GALNTL6: variants seen among roughly 807,000 people sequenced by gnomAD.
GALNTL6 encodes the protein polypeptide N-acetylgalactosaminyltransferase like 6, also known as polypeptide N-acetylgalactosaminyltransferase-like 6.
Under a neutral mutation model 73.7 loss-of-function variants are expected in GALNTL6, and 46 were observed. The ratio of observed to expected loss-of-function variants is 0.62; its 90% CI spans 0.49 to 0.80. The LOEUF (loss-of-function observed/expected upper bound fraction) is 0.80. Among genes scored for constraint, GALNTL6 ranks in the 30% least tolerant of loss-of-function variants. The pLI is 0.00. For missense variants in GALNTL6, 604 were observed against 755.0 expected (o/e 0.80, Z 2.34); for synonymous variants, 259 against 263.7 (o/e 0.98, Z 0.17).
chr4:171,935,337 C>A (rs551574697), intron 2 of GALNTL6, among the ~76,000 whole-genome samples: 1 of 152,076 alleles, frequency 6.6e-6, no homozygotes. Flanking sequence ...GATGCTAGAG[C>A]GGAGTCATAG....
intron 5 of GALNTL6, among the ~76,000 whole-genome samples, chr4:172,634,378 T>C (rs1739553497): frequency 6.6e-6 from 1 of 152,086 alleles, no homozygotes; most frequent in South Asian, 2.1e-4. Flanking sequence ...AAATCCAGAT[T>C]TTCATCTTTA....
At chr4:172,360,007 C>A (rs535513867) in intron 5 of GALNTL6, among the ~76,000 whole-genome samples, 2 of 152,312 alleles carry the variant, frequency 1.3e-5, no homozygotes, top group East Asian at 3.9e-4. Flanking sequence ...AGATCCCTTA[C>A]ACATCATTAT....
At chr4:172,269,627 A>G (rs1329185385) in intron 3 of GALNTL6, among the ~76,000 whole-genome samples, 1 of 152,246 alleles carries the variant, frequency 6.6e-6, no homozygotes, top group Non-Finnish European at 1.5e-5. Flanking sequence ...ACTCTTTTCC[A>G]TTATAGAGGA....
chr4:171,904,278 C>T (rs561640545), intron 2 of GALNTL6, among the ~76,000 whole-genome samples: 4 of 152,062 alleles, frequency 2.6e-5, no homozygotes, highest in African/African-American at 7.2e-5. Context: ...ACTAGAGTAA[C>T]CAATACAGAG....
At chr4:172,529,989 A>G (rs113222421) in intron 5 of GALNTL6, among the ~76,000 whole-genome samples, 3,198 of 151,610 alleles carry the variant, frequency 0.021, 57 homozygotes, top group Non-Finnish European at 0.031. Flanking sequence ...TGATCCACCC[A>G]TCTCAACCTC....
intron 5 of GALNTL6, among the ~76,000 whole-genome samples, chr4:172,601,379 TG>T (rs1738046146): frequency 6.6e-6 from 1 of 152,116 alleles, no homozygotes; most frequent in African/African-American, 2.4e-5. Context: ...ATTTGGGTAA[TG>T]GGGCAGATCA....
intron 5 of GALNTL6, among the ~76,000 whole-genome samples, chr4:172,569,222 C>G (rs767021721): frequency 2.0e-5 from 3 of 152,138 alleles, no homozygotes; most frequent in Non-Finnish European, 4.4e-5. Flanking sequence ...GATTTGGTTA[C>G]TGGTGAGGGC....
intron 8 of GALNTL6, among the ~76,000 whole-genome samples, chr4:172,889,423 T>C (rs1299991081): frequency 1.3e-5 from 2 of 152,158 alleles, no homozygotes; most frequent in East Asian, 1.9e-4. Context: ...TATTTTGATA[T>C]ATATTTTTAA....
At chr4:172,348,407 A>G in intron 4 of GALNTL6, 116 bp from the exon 5 acceptor site, 3 of 741,112 alleles carry the variant, frequency 4.0e-6, no homozygotes, top group Non-Finnish European at 6.5e-6. Context: ...CTGGTTGGAA[A>G]GTATTAGACT....
intron 3 of GALNTL6, among the ~76,000 whole-genome samples, chr4:172,231,892 T>C (rs1241543703): frequency 1.3e-5 from 2 of 152,120 alleles, no homozygotes; most frequent in African/African-American, 2.4e-5. Context: ...ACTTGTCTTT[T>C]CTATCTTCAT....
chr4:172,150,814 T>C, intron 2 of GALNTL6, among the ~76,000 whole-genome samples: 1 of 152,226 alleles, frequency 6.6e-6, no homozygotes, highest in Admixed American at 6.5e-5. Flanking sequence ...CCTAATAATT[T>C]TAAAATATTA....
Position 171,991,755 on chromosome 4 carries a change from T to TATATAC in GALNTL6, c.138+177038_138+177039insTATACA, listed in dbSNP as rs371828556. Among the ~76,000 whole-genome samples the TATATAC allele has an allele frequency of 2.8e-3, 394 of 140,652 alleles. 3 individuals are homozygous for TATATAC. Among genetic ancestry groups the TATATAC allele is most frequent in the South Asian group, 0.01 (46 of 4,464 alleles). The allele number at this position is 140,652 out of a possible 152,430, so 92.3% of individuals were successfully genotyped here. A position where few individuals can be genotyped will look rare whatever the true frequency, so the allele number is the denominator to read the frequency against. ...GTATATATATATATATATATATATA[T>TATATAC]ACACATATATATACATATATATATG... On this transcript the variant is annotated intron_variant, in intron 2 of 12. Transcript: ENST00000506823.
At chr4:172,460,788 C>T (rs1157927942) in intron 5 of GALNTL6, among the ~76,000 whole-genome samples, 1 of 152,182 alleles carries the variant, frequency 6.6e-6, no homozygotes, top group East Asian at 1.9e-4. Flanking sequence ...ATTAGTTCAA[C>T]TATTGTGGAA....
At chr4:172,170,815 G>A (rs1734795460) in intron 2 of GALNTL6, among the ~76,000 whole-genome samples, 2 of 152,108 alleles carry the variant, frequency 1.3e-5, no homozygotes, top group South Asian at 2.1e-4. Context: ...CGCCCTGCTG[G>A]GAAATTGTTT....
chr4:172,234,754 T>A (rs543573219), intron 3 of GALNTL6, among the ~76,000 whole-genome samples: 23 of 152,282 alleles, frequency 1.5e-4, no homozygotes, highest in African/African-American at 5.5e-4. Flanking sequence ...GGCCCCAAAT[T>A]TTCTATTCTT....
chr4:172,526,216 G>A (rs573571697), intron 5 of GALNTL6, among the ~76,000 whole-genome samples: 2 of 152,252 alleles, frequency 1.3e-5, no homozygotes, highest in East Asian at 3.9e-4. Context: ...ACAACTTTGA[G>A]TTGTAAAATA....
intron 2 of GALNTL6, among the ~76,000 whole-genome samples, chr4:172,054,975 T>C (rs1220430914): frequency 6.6e-6 from 1 of 152,108 alleles, no homozygotes; most frequent in Admixed American, 6.6e-5. Flanking sequence ...GGCATTCAAA[T>C]AGGAACCAAG....
At chr4:172,000,770 T>G (rs913441369) in intron 2 of GALNTL6, among the ~76,000 whole-genome samples, 14 of 152,122 alleles carry the variant, frequency 9.2e-5, no homozygotes, top group African/African-American at 3.4e-4. Context: ...CAATGAGAGA[T>G]CCAGACTATT....
At chr4:172,783,088 C>G (rs142654908) in intron 5 of GALNTL6, among the ~76,000 whole-genome samples, 2 of 151,612 alleles carry the variant, frequency 1.3e-5, no homozygotes, top group East Asian at 3.9e-4. Context: ...GAAACATAAC[C>G]ACCAAGGTTT....
Sources: allele counts gnomAD v4.1 joint callset (sites outside exome capture counted in the v4.1 genomes callset), GRCh38; gene constraint gnomAD v4.1.1; transcripts MANE v1.5; gene names NCBI Gene and HGNC (gene_info 2026-07-23, HGNC 2026-07-21).